Variants in MALRD1 observed in about 807,000 individuals in gnomAD.
The protein encoded by MALRD1 is MAM and LDL receptor class A domain containing 1.
Under a neutral mutation model 242.1 loss-of-function variants are expected in MALRD1, and 247 were observed. The observed-to-expected ratio is 1.02, with a 90% CI of 0.92 to 1.13. The LOEUF is 1.13. MALRD1 is among the 50% of genes most tolerant of loss of function. The pLI is 0.00. For synonymous variants in MALRD1, 995 were observed against 866.6 expected, an observed-to-expected ratio of 1.15 and a Z score of -2.60; for missense variants, 2,989 against 2,533.1, an observed-to-expected ratio of 1.18 and a Z score of -3.86.
intron 14 of MALRD1, among the ~76,000 whole-genome samples, chr10:19,193,178 C>T (rs912434219): frequency 4.6e-5 from 7 of 152,122 alleles, no homozygotes; most frequent in Admixed American, 2.0e-4. Context: ...TTTCAACAAA[C>T]GATCAACAAT....
rs1002345681 is a variant in MALRD1, at chr10:19,205,038, T to A, written c.2351T>A (p.Leu784His). 6.1e-5 allele frequency: 94 copies of A among 1,550,690 alleles called. No individual in the cohort carries two copies. Among genetic ancestry groups the A allele is most frequent in the Non-Finnish European group, 7.9e-5 (91 of 1,147,032 alleles). ...GAGGCAACCATTCAGCTAGGGCGCC[T>A]TTCGCAGCCCTTCCATTTGTCACTA... Reference protein sequence around the residue: ...WLEATIQLGRLSQPFHLSLDK... With the variant: ...WLEATIQLGRHSQPFHLSLDK... The change falls in exon 17 of 40, where the codon CTT becomes CAT. Residue 784 changes from leucine (L) to histidine (H), a missense_variant. Physicochemically the swap from Leu to His is moderately conservative, Grantham distance 99 (BLOSUM62 -3). Coordinates refer to ENST00000454679, the MANE Select transcript of MALRD1 (RefSeq NM_001142308.3).
chr10:19,277,833 A>G (rs1840607082), intron 19 of MALRD1, among the ~76,000 whole-genome samples: 1 of 152,184 alleles, frequency 6.6e-6, no homozygotes, highest in Non-Finnish European at 1.5e-5. Flanking sequence ...AGTCCTCCAG[A>G]TACTGGACAT....
At chr10:19,623,619 T>C (rs1244274280) in intron 36 of MALRD1, among the ~76,000 whole-genome samples, 1 of 152,146 alleles carries the variant, frequency 6.6e-6, no homozygotes, top group African/African-American at 2.4e-5. Context: ...GAACTGGGGA[T>C]GGCTGGTGTA....
At chr10:19,338,420 C>T (rs1468001827) in intron 24 of MALRD1, among the ~76,000 whole-genome samples, 1 of 147,884 alleles carries the variant, frequency 6.8e-6, no homozygotes, top group Non-Finnish European at 1.5e-5. Flanking sequence ...TGGAATCATA[C>T]AACATGTAGC....
intron 26 of MALRD1, among the ~76,000 whole-genome samples, chr10:19,360,549 T>C (rs1844846089): frequency 6.6e-6 from 1 of 152,168 alleles, no homozygotes; most frequent in Non-Finnish European, 1.5e-5. Flanking sequence ...GTGATAACTA[T>C]ATTTTACCTA....
intron 25 of MALRD1, among the ~76,000 whole-genome samples, chr10:19,349,762 AATTAAAT>A (rs1472801559): frequency 6.6e-6 from 1 of 152,142 alleles, no homozygotes; most frequent in Non-Finnish European, 1.5e-5. Context: ...TTATAAACCT[AATTAAAT>A]ATTAAATACA....
chr10:19,389,115 A>T (rs1317706104), intron 27 of MALRD1: 17 of 377,728 alleles, frequency 4.5e-5, no homozygotes, highest in Admixed American at 1.1e-4. Flanking sequence ...TTTAGATTTC[A>T]TTGGTAGTCT....
At chr10:19,275,436 A>G (rs1344633402) in intron 19 of MALRD1, among the ~76,000 whole-genome samples, 1 of 152,158 alleles carries the variant, frequency 6.6e-6, no homozygotes, top group Non-Finnish European at 1.5e-5. Context: ...TGGGAGGCCA[A>G]GGCGGGCAGA....
At chr10:19,185,075 T>G (rs1835679630) in intron 14 of MALRD1, among the ~76,000 whole-genome samples, 1 of 152,350 alleles carries the variant, frequency 6.6e-6, no homozygotes, top group East Asian at 1.9e-4. Context: ...TAATGCTACT[T>G]TATGTAGTGC....
At chr10:19,394,396 C>G (rs1221437584) in intron 28 of MALRD1, among the ~76,000 whole-genome samples, 2 of 152,022 alleles carry the variant, frequency 1.3e-5, no homozygotes, top group Non-Finnish European at 2.9e-5. Flanking sequence ...ACATGTCTTC[C>G]TAGAAATTTT....
intron 23 of MALRD1, among the ~76,000 whole-genome samples, chr10:19,328,295 A>G (rs984424686): frequency 1.3e-5 from 2 of 152,156 alleles, no homozygotes; most frequent in African/African-American, 4.8e-5. Context: ...CAAGAAAGCA[A>G]GACCTCCATT....
chr10:19,403,431 A>G (rs1022043286), intron 28 of MALRD1, among the ~76,000 whole-genome samples: 1 of 152,166 alleles, frequency 6.6e-6, no homozygotes, highest in Non-Finnish European at 1.5e-5. Flanking sequence ...TCCATTCACA[A>G]TGTGGCATTT....
intron 18 of MALRD1, among the ~76,000 whole-genome samples, chr10:19,241,380 C>A (rs1417051778): frequency 6.6e-6 from 1 of 151,996 alleles, no homozygotes; most frequent in Non-Finnish European, 1.5e-5. Flanking sequence ...CGAGTAATGT[C>A]TTACAATCCC....
Position 19,588,699 on chromosome 10 carries a change from A to G in MALRD1, c.5681-6495A>G, listed in dbSNP as rs150613596. The stretch of plus-strand genomic sequence containing the variant: ...GCTCTGTCGCCCAGGCTGGAATGCA[A>G]TGGCGCAACCTCTGCTCACTGCAAC... On this transcript the variant is annotated intron_variant, in intron 33 of 39. Transcript: ENST00000454679. Among the ~76,000 whole-genome samples the G allele has an allele frequency of 7.2e-3, 1,090 of 152,280 alleles. 16 individuals carry two copies. Among genetic ancestry groups the G allele is most frequent in the African/African-American group, 0.025 (1,040 of 41,570 alleles).
intron 33 of MALRD1, among the ~76,000 whole-genome samples, chr10:19,589,416 C>T (rs180995370): frequency 6.6e-6 from 1 of 152,252 alleles, no homozygotes; most frequent in East Asian, 1.9e-4. Flanking sequence ...TGAATCATCT[C>T]CAATATACAA....
At chr10:19,699,173 C>G (rs182401703) in intron 38 of MALRD1, among the ~76,000 whole-genome samples, 1 of 151,294 alleles carries the variant, frequency 6.6e-6, no homozygotes, top group Non-Finnish European at 1.5e-5. Flanking sequence ...AAAACCTGCA[C>G]GTTCTGCAGA....
At chr10:19,124,755 C>A in intron 7 of MALRD1, 85 bp downstream of exon 7, 1 of 1,092,038 alleles carries the variant, frequency 9.2e-7, no homozygotes, top group Non-Finnish European at 1.2e-6. Context: ...CATAGGAGGC[C>A]TTGGTGAATA....
At chr10:19,498,764 G>A in intron 31 of MALRD1, 118 bp downstream of exon 31, 1 of 1,220,164 alleles carries the variant, frequency 8.2e-7, no homozygotes, top group Non-Finnish European at 1.1e-6. Context: ...AGCTCAGTAG[G>A]TTTTATGGAA....
intron 12 of MALRD1, among the ~76,000 whole-genome samples, chr10:19,163,413 A>G (rs1834528006): frequency 6.6e-6 from 1 of 151,762 alleles, no homozygotes; most frequent in African/African-American, 2.4e-5. Flanking sequence ...AGGAAACCAA[A>G]TACCGCACGT....
Sources: allele counts gnomAD v4.1 joint callset (sites outside exome capture counted in the v4.1 genomes callset), GRCh38; gene constraint gnomAD v4.1.1; transcripts MANE v1.5; gene names NCBI Gene and HGNC (gene_info 2026-07-23, HGNC 2026-07-21).